Variants in SLC8A1 observed in about 807,000 individuals in gnomAD.
SLC8A1 encodes sodium/calcium exchanger 1.
SLC8A1 carries 18 observed loss-of-function variants against 68.3 expected under a neutral mutation model. That is an observed-to-expected ratio of 0.26 (90% CI 0.18 to 0.39). The LOEUF (loss-of-function observed/expected upper bound fraction) is 0.39, where lower values mean the gene tolerates loss of function less well. Ranked by LOEUF, SLC8A1 falls within the 10% of genes least tolerant of loss-of-function variation. The probability of loss-of-function intolerance (pLI) is 1.00; values close to 1 mark genes in which losing one functional copy is unlikely to be tolerated. For synonymous variants in SLC8A1, 475 were observed against 415.5 expected, an observed-to-expected ratio of 1.14 and a Z score of -1.74; for missense variants, 985 against 1,156.7, an observed-to-expected ratio of 0.85 and a Z score of 2.15.
upstream of SLC8A1, among the ~76,000 whole-genome samples, chr2:40,455,564 C>CGT (rs35310892): frequency 6.8e-6 from 1 of 147,164 alleles, no homozygotes; most frequent in African/African-American, 2.7e-5. Flanking sequence ...TACATAATAG[C>CGT]CCCTAGCCTG....
chr2:40,372,435 T>C (rs78103820), intron 2 of SLC8A1, among the ~76,000 whole-genome samples: 6,199 of 152,160 alleles, frequency 0.041, 139 homozygotes, highest in African/African-American at 0.049. Context: ...CAAACTCCTC[T>C]CCCTTTGGGA....
At chr2:40,483,648 A>G (rs1704781090) in intron 1 of SLC8A1, among the ~76,000 whole-genome samples, 1 of 152,200 alleles carries the variant, frequency 6.6e-6, no homozygotes. Flanking sequence ...CCACATGACT[A>G]GGTTCTGCCT....
intron 2 of SLC8A1, among the ~76,000 whole-genome samples, chr2:40,415,901 C>CACACACATT (rs1553595441): frequency 1.2e-4 from 17 of 140,570 alleles, no homozygotes; most frequent in African/African-American, 4.8e-4. Context: ...CACACACACA[C>CACACACATT]ACACACACAC....
chr2:40,432,508 C>G (rs1698565522), intron 1 of SLC8A1, among the ~76,000 whole-genome samples: 1 of 147,604 alleles, frequency 6.8e-6, no homozygotes, highest in Non-Finnish European at 1.5e-5. Flanking sequence ...AACACTTGAG[C>G]AAAGTCCTGA....
At chr2:40,229,586 G>C (rs965889500) in intron 2 of SLC8A1, among the ~76,000 whole-genome samples, 2 of 152,090 alleles carry the variant, frequency 1.3e-5, no homozygotes, top group Non-Finnish European at 2.9e-5. Context: ...TCCTAAATAA[G>C]TCCTTACAGC....
At chr2:40,235,083 G>C (rs971603788) in intron 2 of SLC8A1, among the ~76,000 whole-genome samples, 2 of 151,958 alleles carry the variant, frequency 1.3e-5, no homozygotes, top group African/African-American at 4.8e-5. Context: ...GTCTCTGCTT[G>C]GCTTTGGTAT....
At chr2:40,418,405 C>G (rs1490843105) in intron 2 of SLC8A1, among the ~76,000 whole-genome samples, 1 of 152,154 alleles carries the variant, frequency 6.6e-6, no homozygotes, top group African/African-American at 2.4e-5. Flanking sequence ...AATACAACAG[C>G]TCAGAAAGAC....
rs528297585 is a variant in SLC8A1 at position 40,206,466 on chromosome 2, C to A, written c.1809-28611G>T. 4.3e-4 allele frequency among the ~76,000 whole-genome samples: 66 copies of A among 152,100 alleles called. No individual in the cohort carries two copies. The South Asian group carries it at 5.4e-3, about 12-fold the overall frequency. Reference sequence around the variant, plus strand: ...TTATTAAATGAAAGTTTTCAGGCAGCCAAAATGAAGGATAACCTTAAGGAT... The same window carrying A: ...TTATTAAATGAAAGTTTTCAGGCAGACAAAATGAAGGATAACCTTAAGGAT... On this transcript the variant is annotated intron_variant, in intron 2 of 7. Coordinates refer to ENST00000406785, the Ensembl canonical transcript of SLC8A1.
At chr2:40,477,799 G>T (rs1214539565) in intron 1 of SLC8A1, among the ~76,000 whole-genome samples, 1 of 152,130 alleles carries the variant, frequency 6.6e-6, no homozygotes, top group Non-Finnish European at 1.5e-5. Context: ...CATGGGGAAT[G>T]AATGCAAAGA....
intron 1 of SLC8A1, among the ~76,000 whole-genome samples, chr2:40,439,096 G>C (rs985680147): frequency 6.6e-6 from 1 of 152,086 alleles, no homozygotes; most frequent in African/African-American, 2.4e-5. Context: ...GTGTCCAGGA[G>C]GTGGGGGACT....
rs141679315 is a variant in SLC8A1 at position 40,304,309 on chromosome 2, G to A, written c.1808+124164C>T. On this transcript the variant is annotated intron_variant, in intron 2 of 7. Coordinates refer to ENST00000406785, the Ensembl canonical transcript of SLC8A1. ...TCTTGAAGGAAATAAGGAGGCTGTT[G>A]GAATAGCAATTTTCAATATCCAGAT... Among the ~76,000 whole-genome samples the A allele has an allele frequency of 2.6e-5, 4 of 152,140 alleles. No homozygotes were observed. The East Asian group carries it at 7.7e-4, about 29-fold the overall frequency.
intron 2 of SLC8A1, among the ~76,000 whole-genome samples, chr2:40,378,513 C>A (rs1251567893): frequency 6.6e-6 from 1 of 152,044 alleles, no homozygotes; most frequent in African/African-American, 2.4e-5. Flanking sequence ...TTTTTACTCT[C>A]AGTGAAGTGC....
intron 2 of SLC8A1, among the ~76,000 whole-genome samples, chr2:40,391,149 A>T (rs1685113387): frequency 1.4e-5 from 2 of 138,564 alleles, no homozygotes; most frequent in Admixed American, 1.5e-4. Context: ...TAAAATATAT[A>T]TATATATAAA....
intron 5 of SLC8A1, 131 bp from the exon 9 acceptor site, chr2:40,160,995 G>A: frequency 1.6e-6 from 1 of 643,418 alleles, no homozygotes; most frequent in East Asian, 2.8e-5. Flanking sequence ...CAACAGTATT[G>A]ACATCAAACA....
intron 1 of SLC8A1, among the ~76,000 whole-genome samples, chr2:40,471,197 T>C (rs1703968656): frequency 6.6e-6 from 1 of 152,210 alleles, no homozygotes; most frequent in Non-Finnish European, 1.5e-5. Context: ...ACATAAGTAT[T>C]GATAACTTTA....
chr2:40,439,311 A>G (rs1700055241), intron 1 of SLC8A1, among the ~76,000 whole-genome samples: 1 of 152,166 alleles, frequency 6.6e-6, no homozygotes, highest in Admixed American at 6.5e-5. Context: ...TCAGAGACCT[A>G]TTCAGTTTCT....
intron 6 of SLC8A1, among the ~76,000 whole-genome samples, chr2:40,140,026 G>A (rs1191824270): frequency 6.6e-6 from 1 of 152,144 alleles, no homozygotes; most frequent in Non-Finnish European, 1.5e-5. Flanking sequence ...CCCTGTGTCA[G>A]CCTGAGAAAT....
intron 2 of SLC8A1, among the ~76,000 whole-genome samples, chr2:40,410,433 G>T (rs1408017114): frequency 6.6e-6 from 1 of 152,020 alleles, no homozygotes; most frequent in Non-Finnish European, 1.5e-5. Context: ...TCTATCTATA[G>T]TTTAATGTAT....
chr2:40,403,294 TAA>T (rs1440734714), intron 2 of SLC8A1, among the ~76,000 whole-genome samples: 1 of 152,122 alleles, frequency 6.6e-6, no homozygotes, highest in Non-Finnish European at 1.5e-5. Context: ...TAAGAAGAAA[TAA>T]ACTCTTAATT....
Sources: allele counts gnomAD v4.1 joint callset (sites outside exome capture counted in the v4.1 genomes callset), GRCh38; gene constraint gnomAD v4.1.1; transcripts MANE v1.5; gene names NCBI Gene and HGNC (gene_info 2026-07-23, HGNC 2026-07-21).